RGS12: variants seen among roughly 807,000 people sequenced by gnomAD.
RGS12 encodes the protein regulator of G-protein signaling 12.
In RGS12, 66 loss-of-function variants were observed where a neutral mutation model predicts 120.1. The ratio of observed to expected loss-of-function variants is 0.55; its 90% CI spans 0.45 to 0.67. RGS12 has a LOEUF of 0.67. Ranked by LOEUF, RGS12 falls within the 30% of genes least tolerant of loss-of-function variation. The pLI, the probability that RGS12 is intolerant of heterozygous loss-of-function variation, is 0.00. For synonymous variants in RGS12, 827 were observed against 804.7 expected (o/e 1.03, Z -0.47); for missense variants, 1,859 against 1,957.7 (o/e 0.95, Z 0.95).
intron 1 of RGS12, among the ~76,000 whole-genome samples, chr4:3,306,471 C>T (rs967234913): frequency 6.6e-6 from 1 of 152,232 alleles, no homozygotes; most frequent in Non-Finnish European, 1.5e-5. Flanking sequence ...CACAGCCTTT[C>T]CACCCCTGTT....
At chr4:3,408,756 C>T (rs1721420203) in intron 4 of RGS12, among the ~76,000 whole-genome samples, 1 of 152,176 alleles carries the variant, frequency 6.6e-6, no homozygotes, top group African/African-American at 2.4e-5. Context: ...GGCCCAGAGG[C>T]TTCTCTTTCC....
chr4:3,341,896 T>G, intron 2 of RGS12, among the ~76,000 whole-genome samples: 1 of 145,890 alleles, frequency 6.9e-6, no homozygotes, highest in Non-Finnish European at 1.5e-5. Context: ...GGCTGGGCCG[T>G]GACAATGGGT....
At chr4:3,318,693 G>C (rs1281835997) in intron 2 of RGS12, among the ~76,000 whole-genome samples, 1 of 152,218 alleles carries the variant, frequency 6.6e-6, no homozygotes, top group Non-Finnish European at 1.5e-5. Context: ...TTTGGAGCAG[G>C]AAAGAGTAAA....
At chr4:3,343,192 G>A in intron 3 of RGS12, 139 bp downstream of exon 3, 2 of 621,088 alleles carry the variant, frequency 3.2e-6, no homozygotes, top group Non-Finnish European at 5.7e-6. Context: ...CCTGTTTTCT[G>A]GGGGACAGCG....
chr4:3,331,855 C>T (rs1342454643), intron 2 of RGS12, among the ~76,000 whole-genome samples: 8 of 152,204 alleles, frequency 5.3e-5, no homozygotes, highest in Non-Finnish European at 4.4e-5. Flanking sequence ...CATGGGCCTG[C>T]GGCAGAGCTG....
chr4:3,423,024 C>T, intron 12 of RGS12, 46 bp downstream of exon 12: 1 of 1,479,262 alleles, frequency 6.8e-7, no homozygotes, highest in Non-Finnish European at 9.4e-7. Flanking sequence ...CCAGAGCCAA[C>T]CCCGTGTGCC....
chr4:3,385,259 A>G (rs1409921119), intron 3 of RGS12: 1 of 152,430 alleles, frequency 6.6e-6, no homozygotes, highest in Non-Finnish European at 1.5e-5. Context: ...AGAGGAGGAC[A>G]GAAGTGGGTC....
At chr4:3,299,590 A>G (rs1325597191) in intron 1 of RGS12, among the ~76,000 whole-genome samples, 2 of 152,150 alleles carry the variant, frequency 1.3e-5, no homozygotes, top group Non-Finnish European at 2.9e-5. Context: ...CGGCACTTTG[A>G]TTAGTAGCCA....
At chr4:3,323,091 G>T (rs1725306191) in intron 2 of RGS12, among the ~76,000 whole-genome samples, 1 of 152,214 alleles carries the variant, frequency 6.6e-6, no homozygotes, top group Non-Finnish European at 1.5e-5. Context: ...CCTCAAGCCC[G>T]TGAGCAGCGC....
intron 12 of RGS12, among the ~76,000 whole-genome samples, chr4:3,423,215 G>A (rs564934215): frequency 6.6e-6 from 1 of 152,282 alleles, no homozygotes; most frequent in South Asian, 2.1e-4. Flanking sequence ...GGCCTGGTGA[G>A]CCCAGCCCCC....
At chr4:3,296,448 T>A (rs1013418379) in intron 1 of RGS12, among the ~76,000 whole-genome samples, 2 of 152,056 alleles carry the variant, frequency 1.3e-5, no homozygotes, top group Non-Finnish European at 2.9e-5. Flanking sequence ...CCTTAGCTTC[T>A]CAAAGGGTTG....
chr4:3,311,089 G>T (rs1724371417), intron 1 of RGS12, among the ~76,000 whole-genome samples: 1 of 152,152 alleles, frequency 6.6e-6, no homozygotes, highest in Non-Finnish European at 1.5e-5. Context: ...AGCCCGTGGG[G>T]TCACCCTGGA....
In RGS12 at chr4:3,328,999, A is replaced by G. The variant is rs189705243; in HGVS notation, c.1881+10948A>G. ...ATGGGAGGTCACAGGGTCACCTTTA[A>G]CTCCAAGGGGAAGTTGTCAGGCCAA... On this transcript the variant is annotated intron_variant, in intron 2 of 17. Transcript: ENST00000336727. Among the ~76,000 whole-genome samples, 4 of 152,092 alleles carry G rather than the reference A, an allele frequency of 2.6e-5. No individual in the cohort carries two copies. In the East Asian group the frequency reaches 7.7e-4, roughly 29 times the overall value.
intron 3 of RGS12, among the ~76,000 whole-genome samples, chr4:3,356,855 T>C (rs1714941858): frequency 6.6e-6 from 1 of 152,192 alleles, no homozygotes; most frequent in Admixed American, 6.5e-5. Flanking sequence ...GCTATGAATA[T>C]GGGTGTATAA....
chr4:3,368,097 C>T (rs914478396), intron 3 of RGS12, among the ~76,000 whole-genome samples: 9 of 152,276 alleles, frequency 5.9e-5, no homozygotes, highest in Admixed American at 3.3e-4. Context: ...GGTTCTCAGG[C>T]GCTGGTGGCT....
chr4:3,323,100 G>A (rs3749556), intron 2 of RGS12, among the ~76,000 whole-genome samples: 4 of 152,254 alleles, frequency 2.6e-5, no homozygotes, highest in African/African-American at 4.8e-5. Flanking sequence ...CGTGAGCAGC[G>A]CAGTCTGCTG....
chr4:3,358,486 A>G lies in RGS12; in HGVS notation c.1998+15433A>G, dbSNP rs182086342. ...TTAATTTTTCACTAATGCCTTTTATATGTTGAGGTAGTTTCCTTCTATTTC... is the reference window on the plus strand; with the variant it reads ...TTAATTTTTCACTAATGCCTTTTATGTGTTGAGGTAGTTTCCTTCTATTTC... On this transcript the variant is annotated intron_variant, in intron 3 of 17. Coordinates refer to ENST00000336727, the MANE Select transcript of RGS12 (RefSeq NM_001394154.1). 2.0e-4 allele frequency among the ~76,000 whole-genome samples: 30 copies of G among 151,954 alleles called. No homozygotes were observed. In the South Asian group the frequency reaches 3.3e-3, roughly 17 times the overall value.
At chr4:3,411,976 G>T (rs1721784830) in intron 4 of RGS12, among the ~76,000 whole-genome samples, 1 of 152,214 alleles carries the variant, frequency 6.6e-6, no homozygotes, top group African/African-American at 2.4e-5. Context: ...TGAAACTTCA[G>T]TGCGTGCTGG....
At chr4:3,360,428 G>GT (rs1017678778) in intron 3 of RGS12, among the ~76,000 whole-genome samples, 69 of 149,712 alleles carry the variant, frequency 4.6e-4, no homozygotes, top group African/African-American at 1.5e-3. Context: ...TTTGTTTTTT[G>GT]TTTTTTCCCT....
Sources: gnomAD v4.1 joint callset for allele counts (sites outside exome capture counted in the v4.1 genomes callset) on GRCh38, gnomAD v4.1.1 for gene constraint, MANE v1.5 for transcripts, NCBI Gene and HGNC (gene_info 2026-07-23, HGNC 2026-07-21) for gene names.